The following SAMSN1 variants were observed in gnomAD, a reference collection of about 807,000 sequenced individuals.
SAMSN1 encodes the protein SAM domain-containing protein SAMSN-1.
Under a neutral mutation model 42.0 loss-of-function variants are expected in SAMSN1, and 31 were observed. The ratio of observed to expected loss-of-function variants is 0.74; its 90% CI spans 0.55 to 1.00. The LOEUF is 1.00. Ranked by LOEUF, SAMSN1 falls within the 50% of genes least tolerant of loss-of-function variation. The pLI is 0.00. For synonymous variants in SAMSN1, 178 were observed against 151.9 expected (o/e 1.17, Z -1.26); for missense variants, 464 against 439.4 (o/e 1.06, Z -0.50).
At chr21:14,630,528 A>T (rs1050527500) in intron 2 of SAMSN1, among the ~76,000 whole-genome samples, 14 of 152,168 alleles carry the variant, frequency 9.2e-5, no homozygotes, top group African/African-American at 3.1e-4. Flanking sequence ...ATTTTAACAT[A>T]AGTCTCTATT....
In SAMSN1 at chr21:14,576,831, A is replaced by G. The variant is rs550352106; in HGVS notation, c.261+5305T>C. Among the ~76,000 whole-genome samples, 6 of 152,142 alleles carry G rather than the reference A, an allele frequency of 3.9e-5. No homozygotes were observed. The South Asian group carries it at 1.0e-3, about 26-fold the overall frequency. ...TTGTTATATGATTCTGTCTCTCACT[A>G]TTACAATTTTTCTCACTATACTGTT... is the stretch of plus-strand genomic sequence containing the variant. On this transcript the variant is annotated intron_variant, in intron 2 of 8. Coordinates refer to the SAMSN1 transcript ENST00000285670.
intron 7 of SAMSN1, among the ~76,000 whole-genome samples, chr21:14,494,707 A>C (rs1376375775): frequency 6.6e-6 from 1 of 150,718 alleles, no homozygotes; most frequent in African/African-American, 2.4e-5. Flanking sequence ...AAAGTACAAT[A>C]CAAAAAAAAA....
chr21:14,626,106 T>C (rs935887387), intron 2 of SAMSN1, among the ~76,000 whole-genome samples: 2 of 152,206 alleles, frequency 1.3e-5, no homozygotes, highest in African/African-American at 4.8e-5. Flanking sequence ...ATCCCTTCTT[T>C]ACACCTTATA....
rs142306924 is a variant in SAMSN1 at position 14,497,566 on chromosome 21, G to A, written c.919+876C>T. ...GAGATCGCACCGCTGCGCTCCACCC[G>A]GGACAGCAGATTTAGACACCATCTC... is the stretch of plus-strand genomic sequence containing the variant. On this transcript the variant is annotated intron_variant, in intron 7 of 7. Transcript: ENST00000400566. 9.9e-5 allele frequency among the ~76,000 whole-genome samples: 15 copies of A among 152,212 alleles called. No individual in the cohort carries two copies. In the East Asian group the frequency reaches 1.5e-3, roughly 16 times the overall value.
chr21:14,546,090 CTA>C, intron 1 of SAMSN1, 113 bp downstream of exon 1: 1 of 888,452 alleles, frequency 1.1e-6, no homozygotes, highest in Non-Finnish European at 1.7e-6. Flanking sequence ...GCATTAAACC[CTA>C]TGTTTGACTT....
At chr21:14,572,568 G>A (rs1441515660) in intron 2 of SAMSN1, among the ~76,000 whole-genome samples, 1 of 152,176 alleles carries the variant, frequency 6.6e-6, no homozygotes, top group Non-Finnish European at 1.5e-5. Context: ...GGGATCTCAG[G>A]TAATTCACTT....
chr21:14,637,524 A>G (rs533125356), intron 2 of SAMSN1, among the ~76,000 whole-genome samples: 14 of 152,326 alleles, frequency 9.2e-5, no homozygotes, highest in African/African-American at 3.4e-4. Context: ...GTCTTTTAGC[A>G]ATGTAATAGG....
At chr21:14,513,203 G>A (rs1225835376) in intron 3 of SAMSN1, among the ~76,000 whole-genome samples, 2 of 152,072 alleles carry the variant, frequency 1.3e-5, no homozygotes, top group Non-Finnish European at 2.9e-5. Context: ...CATCTCCAAT[G>A]TTTTCCATAT....
intron 2 of SAMSN1, among the ~76,000 whole-genome samples, chr21:14,566,535 T>G (rs1369101615): frequency 6.6e-6 from 1 of 151,816 alleles, no homozygotes; most frequent in Admixed American, 6.6e-5. Context: ...CTTCCATATA[T>G]ATATATAAAA....
intron 2 of SAMSN1, among the ~76,000 whole-genome samples, chr21:14,560,999 G>T (rs1436024654): frequency 6.6e-6 from 1 of 152,138 alleles, no homozygotes; most frequent in Non-Finnish European, 1.5e-5. Flanking sequence ...AGAGGGTCTT[G>T]AACACTGATA....
At chr21:14,565,286 CA>C (rs71330076) in intron 2 of SAMSN1, among the ~76,000 whole-genome samples, 1,125 of 109,548 alleles carry the variant, frequency 0.01, 10 homozygotes, top group African/African-American at 0.03. Flanking sequence ...AGACTCTATC[CA>C]AAAAAAAAAA....
intron 1 of SAMSN1, among the ~76,000 whole-genome samples, chr21:14,643,967 G>A (rs1302348658): frequency 4.6e-5 from 7 of 152,180 alleles, no homozygotes; most frequent in African/African-American, 1.7e-4. Context: ...CATAGAGGGA[G>A]CATTTAAACG....
At chr21:14,602,046 T>A in exon 6 of SAMSN1, 2 of 687,440 alleles carry the variant, frequency 2.9e-6, no homozygotes, top group Non-Finnish European at 2.7e-6. Context: ...CCTTGTAGAG[T>A]TTTTCCTTGA....
chr21:14,615,759 C>T (rs116490744), intron 3 of SAMSN1, among the ~76,000 whole-genome samples: 1,577 of 150,768 alleles, frequency 0.01, 33 homozygotes, highest in African/African-American at 0.037. Context: ...TTAATTTGCA[C>T]ATCCCTGTCT....
At chr21:14,547,261 T>C (rs933982379), upstream of SAMSN1, among the ~76,000 whole-genome samples, 1 of 152,204 alleles carries the variant, frequency 6.6e-6, no homozygotes, top group Non-Finnish European at 1.5e-5. Context: ...CATATGTCTT[T>C]GTGCTACAAA....
At chr21:14,577,238 G>GTGTATATA (rs1248361790) in intron 2 of SAMSN1, among the ~76,000 whole-genome samples, 5 of 28,188 alleles carry the variant, frequency 1.8e-4, no homozygotes, top group Admixed American at 5.0e-4. Flanking sequence ...ATATATGTGT[G>GTGTATATA]TATATATATA....
intron 4 of SAMSN1, among the ~76,000 whole-genome samples, chr21:14,511,388 T>C (rs1343799534): frequency 1.3e-5 from 2 of 152,192 alleles, no homozygotes; most frequent in Non-Finnish European, 2.9e-5. Flanking sequence ...AATAAAATTC[T>C]CCCCACATCC....
chr21:14,656,942 A>G (rs761175609), intron 1 of SAMSN1, among the ~76,000 whole-genome samples: 2 of 151,718 alleles, frequency 1.3e-5, no homozygotes, highest in African/African-American at 4.8e-5. Context: ...GAATCTTTCC[A>G]TTAAACCAGT....
At chr21:14,610,935 T>C (rs545394357) in intron 4 of SAMSN1, among the ~76,000 whole-genome samples, 1 of 152,338 alleles carries the variant, frequency 6.6e-6, no homozygotes, top group South Asian at 2.1e-4. Context: ...CAATTATTAT[T>C]ACTTTTCTGA....
Sources: gnomAD v4.1 joint callset for allele counts (sites outside exome capture counted in the v4.1 genomes callset) on GRCh38, gnomAD v4.1.1 for gene constraint, MANE v1.5 for transcripts, NCBI Gene and HGNC (gene_info 2026-07-23, HGNC 2026-07-21) for gene names.